APLF: variants seen among roughly 807,000 people sequenced by gnomAD.
APLF encodes aprataxin and PNK-like factor.
A neutral mutation model predicts 55.6 loss-of-function variants in APLF; 61 were observed. That is an observed-to-expected ratio of 1.10 (90% confidence interval 0.89 to 1.36). APLF has a LOEUF of 1.36. Among genes scored for constraint, APLF ranks in the 40% most tolerant of loss-of-function variants. APLF has a pLI of 0.00. For missense variants in APLF, 611 were observed against 602.5 expected (o/e 1.01, Z -0.15); for synonymous variants, 207 against 214.8 (o/e 0.96, Z 0.32).
intron 8 of APLF, among the ~76,000 whole-genome samples, chr2:68,561,772 C>T (rs1054930596): frequency 1.3e-5 from 2 of 151,974 alleles, no homozygotes; most frequent in African/African-American, 4.8e-5. Context: ...AATAGCCATT[C>T]CCTGGAACAT....
intron 1 of APLF, among the ~76,000 whole-genome samples, chr2:68,482,420 G>A (rs572142300): frequency 2.6e-5 from 4 of 152,242 alleles, no homozygotes; most frequent in African/African-American, 9.6e-5. Flanking sequence ...TGGTGGTAGT[G>A]GTGGTGTGAC....
intron 8 of APLF, among the ~76,000 whole-genome samples, chr2:68,553,338 A>C (rs1282534789): frequency 6.6e-6 from 1 of 152,160 alleles, no homozygotes; most frequent in Admixed American, 6.6e-5. Flanking sequence ...TTATTGAGCA[A>C]AAAACATACT....
At chr2:68,511,395 TTTGTAC>T (rs1464753525) in intron 3 of APLF, among the ~76,000 whole-genome samples, 2 of 151,736 alleles carry the variant, frequency 1.3e-5, no homozygotes, top group Non-Finnish European at 3.0e-5. Context: ...AGTAGAATAA[TTTGTAC>T]TTGTACTTTT....
At chr2:68,536,378 A>G (rs1670387014) in intron 6 of APLF, among the ~76,000 whole-genome samples, 1 of 152,200 alleles carries the variant, frequency 6.6e-6, no homozygotes, top group Non-Finnish European at 1.5e-5. Context: ...TTCTTAAGAA[A>G]TTTAAGCTAT....
At chr2:68,544,657 T>C (rs1381675159) in intron 7 of APLF, among the ~76,000 whole-genome samples, 1 of 152,044 alleles carries the variant, frequency 6.6e-6, no homozygotes, top group Non-Finnish European at 1.5e-5. Flanking sequence ...GTTTTAATCT[T>C]TTTTTTAGTG....
chr2:68,567,478 A>C, intron 9 of APLF, 91 bp downstream of exon 9: 4 of 1,031,502 alleles, frequency 3.9e-6, no homozygotes, highest in Non-Finnish European at 5.7e-6. Flanking sequence ...AAATATTTTA[A>C]AATCTCTGCT....
intron 7 of APLF, among the ~76,000 whole-genome samples, chr2:68,543,258 G>A (rs1002839372): frequency 6.6e-6 from 1 of 152,084 alleles, no homozygotes; most frequent in African/African-American, 2.4e-5. Flanking sequence ...GGGATTGGTT[G>A]CACAACAATG....
chr2:68,537,523 A>G (rs1308733681), intron 6 of APLF, among the ~76,000 whole-genome samples: 1 of 151,876 alleles, frequency 6.6e-6, no homozygotes, highest in Non-Finnish European at 1.5e-5. Flanking sequence ...ACCCACCACC[A>G]TGCTCAACTA....
intron 6 of APLF, among the ~76,000 whole-genome samples, chr2:68,532,786 T>C (rs1413014036): frequency 6.6e-6 from 1 of 152,048 alleles, no homozygotes; most frequent in African/African-American, 2.4e-5. Context: ...AAAAGGATGG[T>C]TGCCATGGTT....
intron 2 of APLF, among the ~76,000 whole-genome samples, chr2:68,491,140 C>G (rs1372563994): frequency 6.6e-6 from 1 of 152,142 alleles, no homozygotes; most frequent in Admixed American, 6.5e-5. Flanking sequence ...CACCTTATCT[C>G]AACCTTGAAT....
chr2:68,526,902 G>A (rs1252782211), intron 6 of APLF, among the ~76,000 whole-genome samples: 1 of 152,192 alleles, frequency 6.6e-6, no homozygotes, highest in Non-Finnish European at 1.5e-5. Context: ...TGGCCGGAAC[G>A]ATCTCGATCT....
At chr2:68,505,264 T>A (rs1378935166) in intron 3 of APLF, among the ~76,000 whole-genome samples, 4 of 152,096 alleles carry the variant, frequency 2.6e-5, no homozygotes, top group Non-Finnish European at 5.9e-5. Flanking sequence ...TAAACTTTCA[T>A]AATAGAATTA....
chr2:68,492,243 C>T (rs1049788695), intron 2 of APLF, among the ~76,000 whole-genome samples: 1 of 151,632 alleles, frequency 6.6e-6, no homozygotes, highest in Non-Finnish European at 1.5e-5. Context: ...CTTTGGGAGG[C>T]CGGGGTGGGT....
At chr2:68,483,180 C>T (rs1019260966) in intron 1 of APLF, among the ~76,000 whole-genome samples, 1 of 152,118 alleles carries the variant, frequency 6.6e-6, no homozygotes, top group African/African-American at 2.4e-5. Context: ...TTAGGTCATG[C>T]AAGGGTGGGG....
chr2:68,528,802 C>T, intron 6 of APLF: 1 of 1,481,030 alleles, frequency 6.8e-7, no homozygotes, highest in Admixed American at 2.0e-5. Flanking sequence ...CCTTGTCAGT[C>T]TGGTTGTTTT....
chr2:68,477,256 G>A (rs1222144134), intron 1 of APLF, among the ~76,000 whole-genome samples: 1 of 152,170 alleles, frequency 6.6e-6, no homozygotes, highest in African/African-American at 2.4e-5. Context: ...CTTTACTGTT[G>A]CAGGTATCTG....
intron 7 of APLF, among the ~76,000 whole-genome samples, chr2:68,543,180 A>G (rs1037359308): frequency 6.6e-6 from 1 of 152,216 alleles, no homozygotes; most frequent in Non-Finnish European, 1.5e-5. Flanking sequence ...CGGGGAGGAC[A>G]GGAGGAGCTG....
intron 6 of APLF, among the ~76,000 whole-genome samples, chr2:68,528,028 A>G (rs1199720794): frequency 8.2e-4 from 96 of 117,236 alleles, no homozygotes; most frequent in South Asian, 1.8e-3. Context: ...GGCGGGGGCT[A>G]GGCAGAGGCG....
chr2:68,537,906 GT>G lies in APLF; in HGVS notation c.840del (p.Ser280ArgfsTer5), dbSNP rs1558546603. On this transcript the variant is annotated frameshift_variant, in exon 7 of 10. Transcript: ENST00000303795. LOFTEE classifies it high-confidence loss of function. ...MPQSFSAITL[S>X]NTEMNNIKTN... ...CAATCATTTTCTGCAATCACATTAA[GT>G]AACACAGAGATGAATAATATTAAGA... is the stretch of plus-strand genomic sequence containing the variant. The G allele has an allele frequency of 1.3e-6, 2 of 1,598,592 alleles. No homozygotes were observed. The highest frequency in any genetic ancestry group is 1.7e-6 in the Non-Finnish European group (2 of 1,174,344).
Sources: allele counts gnomAD v4.1 joint callset (sites outside exome capture counted in the v4.1 genomes callset), GRCh38; gene constraint gnomAD v4.1.1; transcripts MANE v1.5; gene names NCBI Gene and HGNC (gene_info 2026-07-23, HGNC 2026-07-21).